Variants in MED17 observed in about 807,000 individuals in gnomAD.
MED17 encodes the protein mediator complex subunit 17.
A neutral mutation model predicts 80.8 loss-of-function variants in MED17; 49 were observed. The observed-to-expected ratio is 0.61, with a 90% CI of 0.48 to 0.77. The LOEUF (loss-of-function observed/expected upper bound fraction) is 0.77, where lower values mean the gene tolerates loss of function less well. Among genes scored for constraint, MED17 ranks in the 30% least tolerant of loss-of-function variants. The probability of loss-of-function intolerance (pLI) is 0.00; values close to 1 mark genes in which losing one functional copy is unlikely to be tolerated. For missense variants in MED17, 718 were observed against 787.0 expected (o/e 0.91, Z 1.05); for synonymous variants, 281 against 280.4 (o/e 1.00, Z -0.02).
chr11:93,798,133 G>A (rs374831638), intron 8 of MED17, among the ~76,000 whole-genome samples: 3 of 152,058 alleles, frequency 2.0e-5, no homozygotes, highest in Admixed American at 6.6e-5. Context: ...TGTTCTTTGC[G>A]GCAGGTAGTG....
At chr11:93,808,787 A>G (rs1944056280) in intron 10 of MED17, 1 of 152,122 alleles carries the variant, frequency 6.6e-6, no homozygotes, top group South Asian at 2.1e-4. Flanking sequence ...TTAGAACACT[A>G]TTGAGTAGGT....
chr11:93,784,366 T>G lies in MED17; in HGVS notation c.-148T>G. On this transcript the variant is annotated 5_prime_UTR_variant, in exon 1 of 12. Transcript: ENST00000251871. The stretch of plus-strand genomic sequence containing the variant: ...TGGGCCAGCTCCTTTGTTTCCAGTC[T>G]GAGCGTTGCGTTCGGTTTCCCGAGG... 1 of 1,023,560 alleles carries G rather than the reference T, an allele frequency of 9.8e-7. No individual in the cohort carries two copies. Among genetic ancestry groups the G allele is most frequent in the Non-Finnish European group, 1.4e-6 (1 of 724,794 alleles). The allele number at this position is 1,023,560 out of a possible 1,614,324, so 63.4% of individuals were successfully genotyped here.
At chr11:93,797,350 C>T in intron 7 of MED17, 185 bp from the exon 8 acceptor site, 6 of 610,238 alleles carry the variant, frequency 9.8e-6, no homozygotes, top group Middle Eastern at 4.4e-4. Context: ...GAGAGCGACC[C>T]TTCTCTTTAC....
In MED17 at chr11:93,813,131, T is replaced by G. The variant is rs778462403; in HGVS notation, c.*1067T>G. 6.6e-6 allele frequency: 1 copy of G among 152,244 alleles called. No homozygotes were observed. Among genetic ancestry groups the G allele is most frequent in the Non-Finnish European group, 1.5e-5 (1 of 68,038 alleles). The allele number at this position is 152,244 out of a possible 1,614,324, so 9.4% of individuals were successfully genotyped here. On this transcript the variant is annotated 3_prime_UTR_variant, in exon 12 of 12. Coordinates refer to ENST00000251871, the MANE Select transcript of MED17 (RefSeq NM_004268.5). The stretch of plus-strand genomic sequence containing the variant: ...AGTGCCTAAAGTGTGCCCATTAATA[T>G]GAGGATAGATTTAGGCTCATAAGCC...
At chr11:93,804,989 T>C (rs993104714) in intron 9 of MED17, among the ~76,000 whole-genome samples, 12 of 152,226 alleles carry the variant, frequency 7.9e-5, no homozygotes, top group African/African-American at 2.9e-4. Flanking sequence ...GTTTAAAATA[T>C]GTGGATTATT....
At position 93,814,025 on chromosome 11, in the gene MED17, T is replaced by G. The variant is rs1944110233; in HGVS notation, c.*1961T>G. On this transcript the variant is annotated 3_prime_UTR_variant, in exon 12 of 12. Coordinates refer to ENST00000251871, the MANE Select transcript of MED17 (RefSeq NM_004268.5). ...CCACAGTGCCCAGCCCCCCCAAATA[T>G]AAACATTTCTGAATGCTTTATTTTT... 1 of 152,180 alleles carries G rather than the reference T, an allele frequency of 6.6e-6. No individual in the cohort carries two copies. The highest frequency in any genetic ancestry group is 1.5e-5 in the Non-Finnish European group (1 of 68,062). 9.4% of individuals were successfully genotyped at this position (152,180 alleles called of 1,614,324 possible).
intron 7 of MED17, 92 bp from the exon 8 acceptor site, chr11:93,797,443 C>A: frequency 8.0e-7 from 1 of 1,251,718 alleles, no homozygotes; most frequent in African/African-American, 1.5e-5. Flanking sequence ...CAAATCCATT[C>A]CTTTCAGTGT....
rs1165694419 is a variant in MED17, at chr11:93,807,522, A to G, written c.1471A>G (p.Ile491Val). The change falls in exon 10 of 12, where the codon ATT (isoleucine) becomes GTT (valine). Residue 491 changes from isoleucine (I) to valine (V), a missense_variant. By Grantham distance (29) the Ile-to-Val change is conservative. Coordinates refer to ENST00000251871, the MANE Select transcript of MED17 (RefSeq NM_004268.5). The part of the protein sequence containing the change: ...SQGYEQICKS[I>V]QLQLNIGVEQ... Reference sequence around the variant, plus strand: ...TTAGTATGTGTGTCTATAAAGGTCCATTCAACTGCAATTGAATATTGGAGT... The same window carrying G: ...TTAGTATGTGTGTCTATAAAGGTCCGTTCAACTGCAATTGAATATTGGAGT... The G allele has an allele frequency of 1.9e-6, 3 of 1,583,808 alleles. No individual in the cohort carries two copies. Among genetic ancestry groups the G allele is most frequent in the African/African-American group, 1.3e-5 (1 of 74,138 alleles).
chr11:93,810,154 T>G, intron 11 of MED17: 3 of 417,150 alleles, frequency 7.2e-6, no homozygotes, highest in Non-Finnish European at 1.3e-5. Context: ...TCCCAAAGTT[T>G]AATGGATAAA....
At position 93,812,312 on chromosome 11, in the gene MED17, GT is replaced by G. The variant is rs1944092699; in HGVS notation, c.*251del. Reference sequence around the variant, plus strand: ...TGTAAAATAATATGTTTTTCATGCAGTTTAAAATATTACTAACTTAAGGGTT... The same window carrying G: ...TGTAAAATAATATGTTTTTCATGCAGTTAAAATATTACTAACTTAAGGGTT... On this transcript the variant is annotated 3_prime_UTR_variant, in exon 12 of 12. Coordinates refer to ENST00000251871, the MANE Select transcript of MED17 (RefSeq NM_004268.5). The G allele has an allele frequency of 1.8e-6, 1 of 559,238 alleles. No individual in the cohort carries two copies. The highest frequency in any genetic ancestry group is 2.8e-5 in the East Asian group (1 of 35,388). The allele number at this position is 559,238 out of a possible 1,614,324, so 34.6% of individuals were successfully genotyped here.
chr11:93,809,817 G>C lies in MED17; in HGVS notation c.1685G>C (p.Ser562Thr), dbSNP rs369613059. Reference sequence around the variant, plus strand: ...CATGTGGGACTTGGACCTATAGAGAGCATTGGTAATGCATCTGCCATCACG... The same window carrying C: ...CATGTGGGACTTGGACCTATAGAGACCATTGGTAATGCATCTGCCATCACG... ...SNHVGLGPIE[S>T]IGNASAITVA... The change falls in exon 11 of 12, where the codon AGC becomes ACC. Residue 562 changes from serine (S) to threonine (T), a missense_variant. Transcript: ENST00000251871. The C allele has an allele frequency of 1.9e-6, 3 of 1,614,074 alleles. No individual in the cohort carries two copies. The highest frequency in any genetic ancestry group is 2.5e-6 in the Non-Finnish European group (3 of 1,180,032).
Position 93,784,447 on chromosome 11 carries a change from G to C in MED17, c.-67G>C. ...TGAGTTCCCGGCTCTCCGCAGGGAAGCCTCCTCTTCGTACCTCGTTTTTTG... is the reference window on the plus strand; with the variant it reads ...TGAGTTCCCGGCTCTCCGCAGGGAACCCTCCTCTTCGTACCTCGTTTTTTG... On this transcript the variant is annotated 5_prime_UTR_variant, in exon 1 of 12. Coordinates refer to ENST00000251871, the MANE Select transcript of MED17 (RefSeq NM_004268.5). 6.5e-7 allele frequency: 1 copy of C among 1,535,324 alleles called. No homozygotes were observed. The highest frequency in any genetic ancestry group is 1.4e-5 in the African/African-American group (1 of 73,308).
intron 7 of MED17, 190 bp from the exon 8 acceptor site, chr11:93,797,345 C>T (rs1055701602): frequency 8.4e-6 from 5 of 594,984 alleles, no homozygotes; most frequent in Admixed American, 3.0e-5. Context: ...AGCTTGAGAG[C>T]GACCCTTCTC....
In MED17 at chr11:93,784,558, C is replaced by A. The variant is rs777259634; in HGVS notation, c.45C>A (p.Cys15Ter). ...RAVRISIESACEKQVHEVGLD... is the reference protein window; with the variant it reads ...RAVRISIESA Reference sequence around the variant, plus strand: ...TGCGGATCAGCATCGAATCGGCCTGCGAGAAGCAGGTCCATGAGGTGGGCC... The same window carrying A: ...TGCGGATCAGCATCGAATCGGCCTGAGAGAAGCAGGTCCATGAGGTGGGCC... The change falls in exon 1 of 12, where the codon TGC becomes TGA. Residue 15 changes from cysteine (C) to a stop codon, truncating the protein, a stop_gained. Transcript: ENST00000251871. LOFTEE classifies it high-confidence loss of function. 1 of 1,612,490 alleles carries A rather than the reference C, an allele frequency of 6.2e-7. No homozygotes were observed. The highest frequency in any genetic ancestry group is 1.1e-5 in the South Asian group (1 of 90,974).
chr11:93,806,442 G>C (rs1418813473), intron 9 of MED17: 1 of 152,112 alleles, frequency 6.6e-6, no homozygotes, highest in Non-Finnish European at 1.5e-5. Flanking sequence ...CAAGTTTCTT[G>C]GACATATTAC....
At chr11:93,793,301 G>C (rs929302535) in intron 3 of MED17, 3 of 188,318 alleles carry the variant, frequency 1.6e-5, no homozygotes, top group Non-Finnish European at 3.3e-5. Flanking sequence ...TTTTAGTAGA[G>C]ATGGGGATTT....
chr11:93,804,023 A>T lies in MED17; in HGVS notation c.1466+2051A>T, dbSNP rs1249371733. ...TGTATATATATATATATATATATATATATACACACACACATATACACACGC... is the reference window on the plus strand; with the variant it reads ...TGTATATATATATATATATATATATTTATACACACACACATATACACACGC... On this transcript the variant is annotated intron_variant, in intron 9 of 11. Coordinates refer to ENST00000251871, the MANE Select transcript of MED17 (RefSeq NM_004268.5). Among the ~76,000 whole-genome samples, 5 of 8,888 alleles carry T rather than the reference A, an allele frequency of 5.6e-4. No individual in the cohort carries two copies. In the East Asian group the frequency reaches 6.3e-3, roughly 11 times the overall value. The allele number at this position is 8,888 out of a possible 152,430, so 5.8% of individuals were successfully genotyped here. A position where few individuals can be genotyped will look rare whatever the true frequency, so the allele number is the denominator to read the frequency against.
At chr11:93,793,630 A>C (rs1943866985) in intron 3 of MED17, 98 bp from the exon 4 acceptor site, 1 of 910,720 alleles carries the variant, frequency 1.1e-6, no homozygotes, top group East Asian at 2.5e-5. Context: ...TTACTTTGTG[A>C]TTCAGTGATG....
chr11:93,793,637 G>A lies in MED17; in HGVS notation c.638-91G>A. On this transcript the variant is annotated intron_variant, in intron 3 of 11. Coordinates refer to ENST00000251871, the MANE Select transcript of MED17 (RefSeq NM_004268.5). ...GTGGGGACTTACTTTGTGATTCAGT[G>A]ATGTGGATGTGAAGTATTATATATT... is the stretch of plus-strand genomic sequence containing the variant. 3.1e-6 allele frequency: 3 copies of A among 953,968 alleles called. No individual in the cohort carries two copies. The South Asian group carries it at 4.3e-5, about 14-fold the overall frequency. The allele number at this position is 953,968 out of a possible 1,614,324, so 59.1% of individuals were successfully genotyped here. A position where few individuals can be genotyped will look rare whatever the true frequency, so the allele number is the denominator to read the frequency against.
Sources: gnomAD v4.1 joint callset for allele counts (sites outside exome capture counted in the v4.1 genomes callset) on GRCh38, gnomAD v4.1.1 for gene constraint, MANE v1.5 for transcripts, NCBI Gene and HGNC (gene_info 2026-07-23, HGNC 2026-07-21) for gene names.